The following SLC38A10 variants were observed in gnomAD, a reference collection of about 807,000 sequenced individuals.
SLC38A10 encodes the protein solute carrier family 38 member 10.
SLC38A10 carries 53 observed loss-of-function variants against 81.0 expected under a neutral mutation model. That is an observed-to-expected ratio of 0.65 (90% CI 0.53 to 0.82). The LOEUF is 0.82. Among genes scored for constraint, SLC38A10 ranks in the 40% least tolerant of loss-of-function variants. SLC38A10 has a pLI of 0.00. For missense variants in SLC38A10, 1,471 were observed against 1,545.0 expected (o/e 0.95, Z 0.80); for synonymous variants, 665 against 655.3 (o/e 1.01, Z -0.23).
intron 14 of SLC38A10, among the ~76,000 whole-genome samples, chr17:81,249,896 G>A (rs1012417912): frequency 2.6e-5 from 4 of 152,234 alleles, no homozygotes; most frequent in South Asian, 2.1e-4. Flanking sequence ...AGTGGGCATC[G>A]GGACCCTGCC....
chr17:81,256,215 G>A (rs1044264209), intron 11 of SLC38A10, among the ~76,000 whole-genome samples: 2 of 152,256 alleles, frequency 1.3e-5, no homozygotes, highest in African/African-American at 2.4e-5. Flanking sequence ...CTGTCTAGTC[G>A]GGCATGGAGG....
At position 81,287,205 on chromosome 17, in the gene SLC38A10, C is replaced by T. The variant is rs374257121; in HGVS notation, c.218-2310G>A. 2.3e-3 allele frequency among the ~76,000 whole-genome samples: 344 copies of T among 152,322 alleles called. 4 individuals are homozygous for T. The highest frequency in any genetic ancestry group is 7.8e-3 in the African/African-American group (323 of 41,554). ...CTGGAGGACAGCGGGGAGGGTAAAGCGATCAGCGGCCACCTCCCCAGGCTA... is the reference window on the plus strand; with the variant it reads ...CTGGAGGACAGCGGGGAGGGTAAAGTGATCAGCGGCCACCTCCCCAGGCTA... On this transcript the variant is annotated intron_variant, in intron 2 of 15. Coordinates refer to ENST00000374759, the MANE Select transcript of SLC38A10 (RefSeq NM_001037984.3).
intron 1 of SLC38A10, among the ~76,000 whole-genome samples, chr17:81,291,874 CACCT>C (rs1332303597): frequency 2.0e-5 from 3 of 152,214 alleles, no homozygotes; most frequent in African/African-American, 7.2e-5. Flanking sequence ...AGGACCCACC[CACCT>C]CAGTTCAAAC....
At chr17:81,280,289 C>T (rs1211501105) in intron 6 of SLC38A10, 7 of 475,034 alleles carry the variant, frequency 1.5e-5, no homozygotes, top group Non-Finnish European at 2.0e-5. Flanking sequence ...TCTGGCGAAG[C>T]GCTCGACTCT....
chr17:81,254,882 A>G (rs144953698), intron 11 of SLC38A10, among the ~76,000 whole-genome samples: 10 of 152,388 alleles, frequency 6.6e-5, no homozygotes, highest in African/African-American at 1.9e-4. Flanking sequence ...GGCCTGTCCA[A>G]TGGATTACTA....
intron 10 of SLC38A10, among the ~76,000 whole-genome samples, chr17:81,261,474 A>C (rs1021114034): frequency 6.6e-6 from 1 of 152,260 alleles, no homozygotes; most frequent in Non-Finnish European, 1.5e-5. Flanking sequence ...GCCAGAACTC[A>C]AAATCCTTTT....
At chr17:81,269,858 G>T (rs1186859837) in intron 10 of SLC38A10, among the ~76,000 whole-genome samples, 2 of 152,102 alleles carry the variant, frequency 1.3e-5, no homozygotes, top group African/African-American at 4.8e-5. Context: ...TGGCTACTCA[G>T]GAGGCTGAGG....
Position 81,252,284 on chromosome 17 carries a change from G to A in SLC38A10, c.1856C>T (p.Ala619Val), listed in dbSNP as rs774172263. The change falls in exon 13 of 16, where the codon GCG (alanine) becomes GTG (valine). Residue 619 changes from alanine (A) to valine (V), a missense_variant. By Grantham distance (64) the Ala-to-Val change is moderately conservative (BLOSUM62 0). Around this residue, in one of 2 missense-constraint regions of SLC38A10, gnomAD observed 751 missense variants for 717.4 expected, o/e 1.05. Transcript: ENST00000374759. ...CTTGGCCTTTTCCCCTCCACCCACCGCCAGGCCGTTCTGCTGCTCAGACAG... is the reference window on the plus strand; with the variant it reads ...CTTGGCCTTTTCCCCTCCACCCACCACCAGGCCGTTCTGCTGCTCAGACAG... Reference protein sequence around the residue: ...AVLSEQQNGLAVGGGEKAKGG... With the variant: ...AVLSEQQNGLVVGGGEKAKGG... The A allele has an allele frequency of 5.1e-5, 80 of 1,555,162 alleles. No individual in the cohort carries two copies. Among genetic ancestry groups the A allele is most frequent in the Middle Eastern group, 1.7e-4 (1 of 5,776 alleles).
intron 1 of SLC38A10, among the ~76,000 whole-genome samples, chr17:81,291,642 G>A (rs1227687286): frequency 6.6e-6 from 1 of 152,160 alleles, no homozygotes; most frequent in Non-Finnish European, 1.5e-5. Context: ...GGCAGCTCCA[G>A]AGCGGAGCAC....
In SLC38A10 at chr17:81,289,832, A is replaced by C. The variant is rs778540843; in HGVS notation, c.100-24T>G. The C allele has an allele frequency of 6.4e-6, 10 of 1,555,240 alleles. No homozygotes were observed. The highest frequency in any genetic ancestry group is 8.7e-6 in the Non-Finnish European group (10 of 1,149,764). ...CACTGCAGGGTGGAGACAGGAACAC[A>C]TGTTCACAGCAGCAGGTGCTCCCCA... On this transcript the variant is annotated intron_variant, in intron 1 of 15. Transcript: ENST00000374759. The surrounding 1 kb of genome is among the most constrained non-coding windows in gnomAD (Gnocchi z 5.9).
intron 12 of SLC38A10, 78 bp downstream of exon 12, chr17:81,252,995 C>G: frequency 6.5e-7 from 1 of 1,545,944 alleles, no homozygotes; most frequent in East Asian, 2.3e-5. Context: ...CTGAGAGCCA[C>G]CCCGCAGGGT....
In SLC38A10 at chr17:81,252,520, C is replaced by T. The variant is rs764289478; in HGVS notation, c.1620G>A (p.Pro540=). ...TCTCTCTTTCTGAGTCGGGCAGAGG[C>T]GGCGCCATCTGGCCCTGGACCCCTG... ...KAPGVQGQMA[P]PLPDSEREKQ... Residue 540 remains proline, a synonymous_variant, in exon 13 of 16, where the codon CCG becomes CCA. Coordinates refer to ENST00000374759, the MANE Select transcript of SLC38A10 (RefSeq NM_001037984.3). The T allele has an allele frequency of 1.3e-5, 21 of 1,613,210 alleles. No homozygotes were observed. Among genetic ancestry groups the T allele is most frequent in the African/African-American group, 2.7e-5 (2 of 74,940 alleles).
chr17:81,272,118 C>T (rs2063121493), intron 9 of SLC38A10, among the ~76,000 whole-genome samples: 1 of 151,900 alleles, frequency 6.6e-6, no homozygotes, highest in East Asian at 1.9e-4. Flanking sequence ...CTGCAAACTC[C>T]TCCTCCCGGG....
chr17:81,282,226 G>A lies in SLC38A10; in HGVS notation c.464C>T (p.Ala155Val). ...CACGGTGTAGAAGAGGAGGGCCATG[G>A]CGCTGAAGGACTGGATGGAGGCCAT... ...NMMASIQSFS[A>V]MALLFYTVFM... Residue 155 changes from alanine (A) to valine (V), a missense_variant, in exon 5 of 16, where the codon GCC (alanine) becomes GTC (valine). By Grantham distance (64) the Ala-to-Val change is moderately conservative. Around this residue, in one of 2 missense-constraint regions of SLC38A10, gnomAD observed 720 missense variants for 827.7 expected, o/e 0.87. Coordinates refer to ENST00000374759, the MANE Select transcript of SLC38A10 (RefSeq NM_001037984.3). 6.2e-7 allele frequency: 1 copy of A among 1,613,794 alleles called. No individual in the cohort carries two copies. The highest frequency in any genetic ancestry group is 8.5e-7 in the Non-Finnish European group (1 of 1,180,026).
At chr17:81,247,680 A>AT (rs1270976751) in intron 14 of SLC38A10, 33 of 151,646 alleles carry the variant, frequency 2.2e-4, no homozygotes, top group African/African-American at 5.3e-4. Context: ...AAAAAAAACA[A>AT]AAAAATAAAA....
intron 5 of SLC38A10, 91 bp downstream of exon 5, chr17:81,282,098 A>G (rs2146945629): frequency 6.3e-6 from 10 of 1,575,200 alleles, no homozygotes; most frequent in Non-Finnish European, 8.7e-6. Flanking sequence ...AGGCGGCCAC[A>G]CCAGACCTGG....
chr17:81,294,020 GT>G (rs2063329706), intron 1 of SLC38A10, among the ~76,000 whole-genome samples: 1 of 152,116 alleles, frequency 6.6e-6, no homozygotes, highest in African/African-American at 2.4e-5. Context: ...GCAGTTTTTT[GT>G]TTTTGTTTTT....
Position 81,260,335 on chromosome 17 carries a change from CACAG to C in SLC38A10, c.1187_1190del (p.Ser396Ter). The C allele has an allele frequency of 5.0e-6, 8 of 1,610,084 alleles. No individual in the cohort carries two copies. Among genetic ancestry groups the C allele is most frequent in the Non-Finnish European group, 5.9e-6 (7 of 1,178,808 alleles). ...CCAAGTCCTCGGGGACCTCCTCGCT[CACAG>C]ACAGTGTGGTGACAGTGCTCACCAC... On this transcript the variant is annotated frameshift_variant, in exon 11 of 16. Coordinates refer to ENST00000374759, the MANE Select transcript of SLC38A10 (RefSeq NM_001037984.3). LOFTEE classifies it high-confidence loss of function.
chr17:81,281,046 C>T lies in SLC38A10; in HGVS notation c.502-313G>A, dbSNP rs2063207949. On this transcript the variant is annotated intron_variant, in intron 5 of 15. Transcript: ENST00000374759. The surrounding 1 kb of genome is among the most constrained non-coding windows in gnomAD (Gnocchi z 5.3). Reference sequence around the variant, plus strand: ...AGGAGACCACTGAGCATGCATGGCCCCAGTTTCCGTCGGTTACAGAGGCTG... The same window carrying T: ...AGGAGACCACTGAGCATGCATGGCCTCAGTTTCCGTCGGTTACAGAGGCTG... 6.6e-6 allele frequency among the ~76,000 whole-genome samples: 1 copy of T among 152,238 alleles called. No individual in the cohort carries two copies. Among genetic ancestry groups the T allele is most frequent in the South Asian group, 2.1e-4 (1 of 4,834 alleles).
Sources: allele counts gnomAD v4.1 joint callset (sites outside exome capture counted in the v4.1 genomes callset), GRCh38; gene constraint gnomAD v4.1.1; regional missense constraint gnomAD v4.1.1; non-coding constraint Gnocchi (gnomAD v3.1); transcripts MANE v1.5; gene names NCBI Gene and HGNC (gene_info 2026-07-23, HGNC 2026-07-21).